ADAMTS17: variants seen among roughly 807,000 people sequenced by gnomAD.
ADAMTS17 encodes the protein ADAM metallopeptidase with thrombospondin type 1 motif 17.
Under a neutral mutation model 141.5 loss-of-function variants are expected in ADAMTS17, and 113 were observed. That is an observed-to-expected ratio of 0.80 (90% confidence interval 0.69 to 0.93). ADAMTS17 has a LOEUF of 0.93. Among genes scored for constraint, ADAMTS17 ranks in the 40% least tolerant of loss-of-function variants. The probability of loss-of-function intolerance (pLI) is 0.00; values close to 1 mark genes in which losing one functional copy is unlikely to be tolerated. For missense variants in ADAMTS17, 1,659 were observed against 1,517.9 expected (o/e 1.09, Z -1.54); for synonymous variants, 768 against 630.6 (o/e 1.22, Z -3.27).
intron 17 of ADAMTS17, among the ~76,000 whole-genome samples, chr15:100,050,245 A>G (rs1029305028): frequency 1.3e-5 from 2 of 152,242 alleles, no homozygotes; most frequent in Non-Finnish European, 2.9e-5. Flanking sequence ...CCAAGCCAAC[A>G]GCAACAGAAC....
intron 20 of ADAMTS17, among the ~76,000 whole-genome samples, chr15:99,988,964 C>T (rs180850976): frequency 3.7e-4 from 57 of 152,270 alleles, no homozygotes; most frequent in African/African-American, 1.3e-3. Flanking sequence ...AAGGTATGTA[C>T]AAAAGCAAAA....
intron 2 of ADAMTS17, chr15:100,338,993 A>C: frequency 1.0e-6 from 1 of 985,524 alleles, no homozygotes; most frequent in Non-Finnish European, 1.2e-6. Flanking sequence ...GGCCTTCAGT[A>C]CGTACAGAGG....
rs1219401066 is a variant in ADAMTS17, at chr15:100,066,634, A to G, written c.2138-12580T>C. Among the ~76,000 whole-genome samples the G allele has an allele frequency of 2.6e-5, 4 of 152,144 alleles. No individual in the cohort carries two copies. The South Asian group carries it at 6.2e-4, about 24-fold the overall frequency. On this transcript the variant is annotated intron_variant, in intron 15 of 21. Transcript: ENST00000268070. ...GGTGTTCTTGGGCATTTGATTCTAAATTGGTTGTTATTGTCCTTTAACACT... is the reference window on the plus strand; with the variant it reads ...GGTGTTCTTGGGCATTTGATTCTAAGTTGGTTGTTATTGTCCTTTAACACT...
intron 7 of ADAMTS17, among the ~76,000 whole-genome samples, chr15:100,213,019 G>T (rs538746459): frequency 6.6e-6 from 1 of 151,916 alleles, no homozygotes; most frequent in Non-Finnish European, 1.5e-5. Context: ...AACAGCTGAG[G>T]GATATGCACA....
At chr15:100,259,426 GGCCAGTGAGTGTGGGCA>G (rs1326808332) in intron 6 of ADAMTS17, among the ~76,000 whole-genome samples, 1 of 152,216 alleles carries the variant, frequency 6.6e-6, no homozygotes, top group East Asian at 1.9e-4. Flanking sequence ...AGCGGCCTCT[GGCCAGTGAGTGTGGGCA>G]GCCACTGCTC....
At chr15:100,113,017 C>T (rs1048106063) in intron 13 of ADAMTS17, among the ~76,000 whole-genome samples, 1 of 152,190 alleles carries the variant, frequency 6.6e-6, no homozygotes, top group African/African-American at 2.4e-5. Flanking sequence ...CAGCACTCAT[C>T]CAAGTTCTCC....
At chr15:100,058,447 T>A (rs1007326844) in intron 15 of ADAMTS17, among the ~76,000 whole-genome samples, 1 of 151,648 alleles carries the variant, frequency 6.6e-6, no homozygotes, top group African/African-American at 2.4e-5. Flanking sequence ...GGCCCTTTTT[T>A]TAAAGATGTT....
chr15:100,140,804 G>T (rs150280210), intron 10 of ADAMTS17, among the ~76,000 whole-genome samples: 1 of 152,194 alleles, frequency 6.6e-6, no homozygotes, highest in Non-Finnish European at 1.5e-5. Flanking sequence ...CATTCTCGGT[G>T]TGAGTGTCCA....
intron 14 of ADAMTS17, among the ~76,000 whole-genome samples, chr15:100,104,460 G>T (rs1043280439): frequency 6.6e-6 from 1 of 152,122 alleles, no homozygotes; most frequent in Non-Finnish European, 1.5e-5. Flanking sequence ...TTCATGTTAT[G>T]GTTTGAATCA....
At chr15:100,173,895 C>T (rs936737861) in intron 8 of ADAMTS17, among the ~76,000 whole-genome samples, 6 of 152,204 alleles carry the variant, frequency 3.9e-5, no homozygotes, top group African/African-American at 1.4e-4. Flanking sequence ...GTCTAGTGTA[C>T]CACTGAGGCC....
chr15:100,206,245 C>A (rs926143965), intron 7 of ADAMTS17, among the ~76,000 whole-genome samples: 7 of 152,330 alleles, frequency 4.6e-5, no homozygotes, highest in African/African-American at 1.7e-4. Flanking sequence ...ATTCAGGAAA[C>A]ACCATGCCCT....
At chr15:100,069,032 G>A (rs945902990) in intron 15 of ADAMTS17, among the ~76,000 whole-genome samples, 2 of 152,176 alleles carry the variant, frequency 1.3e-5, no homozygotes, top group African/African-American at 2.4e-5. Context: ...AATAACCAAT[G>A]CAGAGAAGTC....
intron 10 of ADAMTS17, among the ~76,000 whole-genome samples, chr15:100,146,022 A>C (rs2141315465): frequency 6.6e-6 from 1 of 152,220 alleles, no homozygotes; most frequent in Admixed American, 6.5e-5. Flanking sequence ...AAAATACAAA[A>C]ATTAGCTGGG....
intron 4 of ADAMTS17, among the ~76,000 whole-genome samples, chr15:100,275,935 G>GT (rs1014671872): frequency 8.0e-6 from 1 of 124,330 alleles, no homozygotes; most frequent in Non-Finnish European, 1.7e-5. Context: ...TACTGTCTGG[G>GT]TTATGCCTTG....
At chr15:100,129,006 T>C (rs1259382297) in intron 12 of ADAMTS17, 1 of 152,226 alleles carries the variant, frequency 6.6e-6, no homozygotes, top group African/African-American at 2.4e-5. Flanking sequence ...GAGGCACCTA[T>C]GGCATTTGCA....
chr15:100,300,264 C>T (rs935492962), intron 3 of ADAMTS17, among the ~76,000 whole-genome samples: 5 of 152,122 alleles, frequency 3.3e-5, no homozygotes, highest in African/African-American at 1.2e-4. Flanking sequence ...AGAGAGAGTG[C>T]TCAACCAACC....
intron 10 of ADAMTS17, among the ~76,000 whole-genome samples, chr15:100,152,374 T>C (rs939374210): frequency 3.3e-5 from 5 of 152,096 alleles, no homozygotes; most frequent in African/African-American, 1.2e-4. Flanking sequence ...CAACTGCATG[T>C]GTAGGTGTGT....
intron 10 of ADAMTS17, among the ~76,000 whole-genome samples, chr15:100,134,048 A>G (rs983619868): frequency 6.6e-6 from 1 of 152,242 alleles, no homozygotes; most frequent in African/African-American, 2.4e-5. Context: ...AGTGCTCAGA[A>G]GGAGACAATT....
chr15:100,286,398 G>A (rs951054393), intron 3 of ADAMTS17, among the ~76,000 whole-genome samples: 4 of 152,140 alleles, frequency 2.6e-5, no homozygotes, highest in African/African-American at 9.7e-5. Flanking sequence ...CCGCTCCTAT[G>A]AAGTACTGTG....
Sources: gnomAD v4.1 joint callset for allele counts (sites outside exome capture counted in the v4.1 genomes callset) on GRCh38, gnomAD v4.1.1 for gene constraint, MANE v1.5 for transcripts, NCBI Gene and HGNC (gene_info 2026-07-23, HGNC 2026-07-21) for gene names.